Variants in ZMYM5 observed in about 807,000 individuals in gnomAD.
ZMYM5 encodes zinc finger MYM-type containing 5.
ZMYM5 carries 41 observed loss-of-function variants against 61.8 expected under a neutral mutation model. That is an observed-to-expected ratio of 0.66 (90% confidence interval 0.52 to 0.86). ZMYM5 has a LOEUF of 0.86. Ranked by LOEUF, ZMYM5 falls within the 40% of genes least tolerant of loss-of-function variation. The pLI is 0.00. For synonymous variants in ZMYM5, 257 were observed against 276.4 expected (o/e 0.93, Z 0.70); for missense variants, 706 against 786.7 (o/e 0.90, Z 1.23).
Position 19,825,089 on chromosome 13 carries a change from A to G in ZMYM5, c.1398T>C (p.Thr466=), listed in dbSNP as rs376217532. The change falls in exon 8 of 8, where the codon ACT becomes ACC. Residue 466 remains threonine, a synonymous_variant. Transcript: ENST00000337963. ...IEGIPEKKEK[T]SQLQLSVECG... Reference sequence around the variant, plus strand: ...ATTCTACTGAAAGCTGTAGCTGTGAAGTCTTTTCCTTTTTTTCTGGGATTC... The same window carrying G: ...ATTCTACTGAAAGCTGTAGCTGTGAGGTCTTTTCCTTTTTTTCTGGGATTC... 1 of 1,367,292 alleles carries G rather than the reference A, an allele frequency of 7.3e-7. No individual in the cohort carries two copies. The highest frequency in any genetic ancestry group is 9.8e-7 in the Non-Finnish European group (1 of 1,021,788). 84.7% of individuals were successfully genotyped at this position (1,367,292 alleles called of 1,614,324 possible). A position where few individuals can be genotyped will look rare whatever the true frequency, so the allele number is the denominator to read the frequency against.
chr13:19,854,158 C>T (rs1047841972), intron 2 of ZMYM5, among the ~76,000 whole-genome samples: 2 of 152,126 alleles, frequency 1.3e-5, no homozygotes, highest in Middle Eastern at 3.4e-3. Context: ...TACAGGCGTG[C>T]GCCACCATGC....
intron 7 of ZMYM5, among the ~76,000 whole-genome samples, chr13:19,829,164 T>C (rs1001377212): frequency 6.6e-6 from 1 of 152,100 alleles, no homozygotes; most frequent in Non-Finnish European, 1.5e-5. Flanking sequence ...CAACTAGTCA[T>C]GCCAGGTTAA....
In ZMYM5 at chr13:19,842,588, G is replaced by C. The variant is rs1039752117; in HGVS notation, c.587-3603C>G. Among the ~76,000 whole-genome samples, 37 of 148,714 alleles carry C rather than the reference G, an allele frequency of 2.5e-4. No homozygotes were observed. The Admixed American group carries it at 2.5e-3, about 10-fold the overall frequency. On this transcript the variant is annotated intron_variant, in intron 4 of 7. Transcript: ENST00000337963. ...TATCTATGCTATGTCAAGTTAAAGA[G>C]TAAAAATAGCAACAACTACAAAAAG...
rs550676364 is a variant in ZMYM5, at chr13:19,850,087, C to CT, written c.586+1267dup. ...CCTAAAATTCAACAGGCTATAAACA[C>CT]TAAAATGGTCAAAAAAACAATACCA... On this transcript the variant is annotated intron_variant, in intron 4 of 7. Coordinates refer to ENST00000337963, the MANE Select transcript of ZMYM5 (RefSeq NM_001142684.2). Among the ~76,000 whole-genome samples the CT allele has an allele frequency of 1.4e-3, 220 of 152,126 alleles. 1 individual carries two copies. Among genetic ancestry groups the CT allele is most frequent in the African/African-American group, 4.4e-3 (182 of 41,504 alleles).
chr13:19,859,331 C>G (rs1385676423), intron 2 of ZMYM5, among the ~76,000 whole-genome samples: 2 of 152,136 alleles, frequency 1.3e-5, no homozygotes, highest in Non-Finnish European at 2.9e-5. Flanking sequence ...GAAGATCACC[C>G]GCAAGCTTCA....
chr13:19,826,046 TAAA>T (rs56181038), intron 7 of ZMYM5, among the ~76,000 whole-genome samples: 40 of 118,848 alleles, frequency 3.4e-4, no homozygotes, highest in Non-Finnish European at 2.6e-4. Context: ...ACTCCATGCT[TAAA>T]AAAAAAAAAA....
chr13:19,856,233 T>A (rs1953505041), intron 2 of ZMYM5, among the ~76,000 whole-genome samples: 1 of 152,134 alleles, frequency 6.6e-6, no homozygotes, highest in Non-Finnish European at 1.5e-5. Context: ...GTCACCTGAG[T>A]TTTAGTTTCC....
intron 2 of ZMYM5, among the ~76,000 whole-genome samples, chr13:19,861,778 TAAGTG>T (rs1157000157): frequency 1.3e-5 from 2 of 151,502 alleles, no homozygotes; most frequent in African/African-American, 2.4e-5. Context: ...TTAAAAGCAT[TAAGTG>T]AATAGCTGAC....
chr13:19,851,309 A>G (rs1387370653), intron 4 of ZMYM5, 46 bp downstream of exon 4: 2 of 1,516,386 alleles, frequency 1.3e-6, no homozygotes, highest in Non-Finnish European at 1.8e-6. Flanking sequence ...AAGAACAGCC[A>G]AAGGCTTATT....
intron 6 of ZMYM5, among the ~76,000 whole-genome samples, chr13:19,836,881 A>G (rs533657670): frequency 4.6e-5 from 7 of 152,288 alleles, no homozygotes; most frequent in Admixed American, 3.9e-4. Flanking sequence ...GAAGATTGCA[A>G]TATCACTGAA....
At chr13:19,853,613 TTTC>T (rs1953394813) in intron 2 of ZMYM5, among the ~76,000 whole-genome samples, 3 of 151,248 alleles carry the variant, frequency 2.0e-5, no homozygotes, top group Non-Finnish European at 4.4e-5. Flanking sequence ...TTTTTTTTTC[TTTC>T]TTTTTTTTTT....
In ZMYM5 at chr13:19,824,473, T is replaced by TA; in HGVS notation, c.*3dup. ...TCATCATGCCAAAAAACAACTCAGG[T>TA]ATATTACGTGTACAACAACAGCACA... On this transcript the variant is annotated 3_prime_UTR_variant, in exon 8 of 8. Coordinates refer to ENST00000337963, the MANE Select transcript of ZMYM5 (RefSeq NM_001142684.2). 2 of 1,287,366 alleles carry TA rather than the reference T, an allele frequency of 1.6e-6. No individual in the cohort carries two copies. Among genetic ancestry groups the TA allele is most frequent in the Non-Finnish European group, 2.0e-6 (2 of 990,210 alleles). 79.7% of individuals were successfully genotyped at this position (1,287,366 alleles called of 1,614,324 possible).
chr13:19,853,393 T>G (rs17072946), intron 2 of ZMYM5, among the ~76,000 whole-genome samples: 4,423 of 152,220 alleles, frequency 0.029, 210 homozygotes, highest in African/African-American at 0.1. Flanking sequence ...GTAAGTATAA[T>G]TGGAATGTTA....
intron 7 of ZMYM5, among the ~76,000 whole-genome samples, chr13:19,833,123 T>G (rs1952577024): frequency 1.3e-5 from 2 of 152,150 alleles, no homozygotes; most frequent in Non-Finnish European, 1.5e-5. Context: ...AAAAATAATT[T>G]AACATAAATA....
intron 7 of ZMYM5, among the ~76,000 whole-genome samples, chr13:19,831,662 T>C (rs916659547): frequency 6.6e-6 from 1 of 150,950 alleles, no homozygotes; most frequent in African/African-American, 2.4e-5. Flanking sequence ...TAGCAGGGCA[T>C]GGTGATGCGC....
intron 7 of ZMYM5, among the ~76,000 whole-genome samples, chr13:19,826,044 CTT>C (rs1488829464): frequency 1.1e-4 from 2 of 17,800 alleles, no homozygotes; most frequent in East Asian, 3.9e-3. Context: ...AGACTCCATG[CTT>C]AAAAAAAAAA....
intron 4 of ZMYM5, among the ~76,000 whole-genome samples, chr13:19,846,813 G>A (rs1953089379): frequency 6.6e-6 from 1 of 151,712 alleles, no homozygotes; most frequent in South Asian, 2.1e-4. Context: ...TGTAGTCTCA[G>A]CTACTTAGGA....
intron 2 of ZMYM5, among the ~76,000 whole-genome samples, chr13:19,859,129 T>C (rs879309470): frequency 3.3e-5 from 5 of 150,564 alleles, no homozygotes; most frequent in Non-Finnish European, 7.4e-5. Context: ...CAAAACTCCA[T>C]CTCAAAAAAA....
intron 2 of ZMYM5, among the ~76,000 whole-genome samples, chr13:19,862,165 C>A (rs1344632444): frequency 4.6e-5 from 7 of 152,084 alleles, no homozygotes; most frequent in Non-Finnish European, 7.4e-5. Flanking sequence ...AGAGAGCTAA[C>A]TTTAAATCTT....
Sources: allele counts gnomAD v4.1 joint callset (sites outside exome capture counted in the v4.1 genomes callset), GRCh38; gene constraint gnomAD v4.1.1; transcripts MANE v1.5; gene names NCBI Gene and HGNC (gene_info 2026-07-23, HGNC 2026-07-21).